Variants in COL4A5 observed in about 807,000 individuals in gnomAD.
COL4A5 encodes collagen type IV alpha 5 chain.
In COL4A5, 26 loss-of-function variants were observed where a neutral mutation model predicts 130.2. The observed-to-expected ratio is 0.20, with a 90% CI of 0.15 to 0.28. The LOEUF (loss-of-function observed/expected upper bound fraction) is 0.28. Among genes scored for constraint, COL4A5 ranks in the 10% least tolerant of loss-of-function variants. The pLI is 1.00. For missense variants in COL4A5, 1,131 were observed against 1,344.3 expected (o/e 0.84, Z 2.48); for synonymous variants, 496 against 439.6 (o/e 1.13, Z -1.60).
At chrX:108,601,219 CTTCT>C (rs1041771269) in intron 25 of COL4A5, among the ~76,000 whole-genome samples, 170 bp from the exon 26 acceptor site, 1 of 111,624 alleles carries the variant, frequency 9.0e-6, no homozygotes, top group Non-Finnish European at 1.9e-5. Context: ...AAATTCTATC[CTTCT>C]GTTTTATATA....
chrX:108,541,143 G>A (rs912447923), intron 2 of COL4A5, among the ~76,000 whole-genome samples: 3 of 112,084 alleles, frequency 2.7e-5, no homozygotes, highest in African/African-American at 9.7e-5. Flanking sequence ...AGCCCCATTT[G>A]ACCATGTTAT....
At chrX:108,677,676 T>C (rs771985982) in intron 44 of COL4A5, 43 bp downstream of exon 44, 1 of 1,187,044 alleles carries the variant, frequency 8.4e-7, no homozygotes, top group Admixed American at 2.2e-5. Flanking sequence ...AGAATGTGGG[T>C]GTTTGTATTC....
intron 1 of COL4A5, among the ~76,000 whole-genome samples, chrX:108,447,573 C>A (rs2064466931): frequency 8.9e-6 from 1 of 111,981 alleles, no homozygotes; most frequent in Non-Finnish European, 1.9e-5. Context: ...TGATAGGGAT[C>A]TGCTCTTGCC....
At chrX:108,583,144 G>T (rs1205051818) in intron 17 of COL4A5, among the ~76,000 whole-genome samples, 2 of 111,716 alleles carry the variant, frequency 1.8e-5, no homozygotes, top group Non-Finnish European at 3.8e-5. Flanking sequence ...AGTCCATGTT[G>T]CAGAAATACA....
At chrX:108,536,805 A>C (rs1249073571) in intron 1 of COL4A5, among the ~76,000 whole-genome samples, 2 of 111,861 alleles carry the variant, frequency 1.8e-5, no homozygotes, top group Non-Finnish European at 3.8e-5. Flanking sequence ...CTACCTAAGG[A>C]GATCATATTG....
At chrX:108,591,730 T>A (rs943352999) in intron 21 of COL4A5, 86 bp downstream of exon 21, 2 of 725,942 alleles carry the variant, frequency 2.8e-6, no homozygotes, top group African/African-American at 4.2e-5. Flanking sequence ...CATCACACCT[T>A]AGCCACTGAC....
At chrX:108,566,600 GAGCAGTGGCGCGATC>G (rs1234905523) in intron 4 of COL4A5, among the ~76,000 whole-genome samples, 1 of 109,356 alleles carries the variant, frequency 9.1e-6, no homozygotes, top group Non-Finnish European at 1.9e-5. Flanking sequence ...CCAGGCTGGA[GAGCAGTGGCGCGATC>G]TTGGCTCACT....
At chrX:108,692,695 C>A in intron 49 of COL4A5, 53 bp from the exon 50 acceptor site, 2 of 1,148,006 alleles carry the variant, frequency 1.7e-6, no homozygotes, top group Non-Finnish European at 2.4e-6. Flanking sequence ...TAGAAGAAAC[C>A]AAAGTATCAT....
intron 29 of COL4A5, among the ~76,000 whole-genome samples, chrX:108,608,873 T>A (rs60223265): frequency 9.0e-6 from 1 of 111,350 alleles, no homozygotes; most frequent in African/African-American, 3.3e-5. Context: ...GCCTGTTAAC[T>A]CCTTATAAAT....
chrX:108,679,885 T>A (rs1227210234), intron 44 of COL4A5, among the ~76,000 whole-genome samples: 1 of 112,127 alleles, frequency 8.9e-6, no homozygotes, highest in Non-Finnish European at 1.9e-5. Flanking sequence ...AAGCACTTAA[T>A]ATTGTCAGCA....
intron 1 of COL4A5, among the ~76,000 whole-genome samples, chrX:108,507,106 A>G (rs935012421): frequency 9.1e-6 from 1 of 109,818 alleles, no homozygotes; most frequent in African/African-American, 3.3e-5. Context: ...GCCGAATTCT[A>G]CCAGATGTAC....
At chrX:108,673,577 G>A (rs962729656) in intron 42 of COL4A5, among the ~76,000 whole-genome samples, 71 of 109,769 alleles carry the variant, frequency 6.5e-4, no homozygotes, top group African/African-American at 2.3e-3. Flanking sequence ...TCTGTGGTTC[G>A]GGGTGGGATA....
rs147885272 is a variant in COL4A5, at chrX:108,568,125, A to G, written c.277-504A>G. 1.0e-3 allele frequency among the ~76,000 whole-genome samples: 114 copies of G among 112,083 alleles called. 4 individuals are homozygous for G. The East Asian group carries it at 0.031, about 30-fold the overall frequency. ...GCTAGATATTTTCAAATTTCTCTCC[A>G]TAGAGTTTGAATCTTCATTAGCAGT... On this transcript the variant is annotated intron_variant, in intron 4 of 52. Transcript: ENST00000328300.
At chrX:108,568,923 C>A in intron 6 of COL4A5, 102 bp downstream of exon 6, 1 of 697,839 alleles carries the variant, frequency 1.4e-6, no homozygotes, top group Non-Finnish European at 2.3e-6. Flanking sequence ...GATATAGTGT[C>A]TTCAGGTCTT....
intron 46 of COL4A5, 141 bp from the exon 47 acceptor site, chrX:108,681,619 A>T (rs1371991510): frequency 1.5e-6 from 1 of 688,772 alleles, no homozygotes; most frequent in African/African-American, 2.2e-5. Flanking sequence ...AAGTTTTCCT[A>T]AACAGATTTC....
chrX:108,565,314 C>T (rs1159196784), intron 4 of COL4A5, among the ~76,000 whole-genome samples: 1 of 111,611 alleles, frequency 9.0e-6, no homozygotes, highest in African/African-American at 3.3e-5. Context: ...ATGTACAGAG[C>T]ATATAGTATA....
intron 1 of COL4A5, among the ~76,000 whole-genome samples, chrX:108,500,037 CTT>C (rs1384687784): frequency 8.9e-6 from 1 of 111,859 alleles, no homozygotes; most frequent in Non-Finnish European, 1.9e-5. Flanking sequence ...AGTTTGGGCA[CTT>C]TTTACTTTCT....
chrX:108,602,756 C>A (rs911957806), intron 27 of COL4A5, among the ~76,000 whole-genome samples: 3 of 111,601 alleles, frequency 2.7e-5, no homozygotes, highest in Non-Finnish European at 5.6e-5. Context: ...AGCATATGTT[C>A]CACATACATT....
At chrX:108,599,457 ATGTG>A (rs112135923) in intron 25 of COL4A5, among the ~76,000 whole-genome samples, 2 of 106,591 alleles carry the variant, frequency 1.9e-5, no homozygotes, top group East Asian at 3.0e-4. Flanking sequence ...ATGTATGTTT[ATGTG>A]TGTGTGTGTG....
Sources: gnomAD v4.1 joint callset for allele counts (sites outside exome capture counted in the v4.1 genomes callset) on GRCh38, gnomAD v4.1.1 for gene constraint, MANE v1.5 for transcripts, NCBI Gene and HGNC (gene_info 2026-07-23, HGNC 2026-07-21) for gene names.